The following TRIP12 variants were observed in gnomAD, a reference collection of about 807,000 sequenced individuals.
TRIP12 encodes thyroid hormone receptor interactor 12.
TRIP12 carries 25 observed loss-of-function variants against 244.2 expected under a neutral mutation model. The ratio of observed to expected loss-of-function variants is 0.10; its 90% CI spans 0.07 to 0.14. TRIP12 has a LOEUF of 0.14. Ranked by LOEUF, TRIP12 falls within the 10% of genes least tolerant of loss-of-function variation. The pLI, the probability that TRIP12 is intolerant of heterozygous loss-of-function variation, is 1.00. For synonymous variants in TRIP12, 905 were observed against 873.1 expected (o/e 1.04, Z -0.64); for missense variants, 1,677 against 2,486.4 (o/e 0.67, Z 6.92).
rs572455331 is a variant in TRIP12 at position 229,826,539 on chromosome 2, A to T, written c.1450+2654T>A. Among the ~76,000 whole-genome samples the T allele has an allele frequency of 3.3e-5, 5 of 152,334 alleles. No homozygotes were observed. In the South Asian group the frequency reaches 1.0e-3, roughly 32 times the overall value. ...TGAACTACATGATGAAATTTTATAG[A>T]TTAAAATTAGGTGTCACTTAACAAA... On this transcript the variant is annotated intron_variant, in intron 8 of 41. Coordinates refer to ENST00000675903, the MANE Select transcript of TRIP12 (RefSeq NM_001348323.3).
Position 229,778,647 on chromosome 2 carries a change from G to A in TRIP12, c.5210-60C>T, listed in dbSNP as rs2037084953. On this transcript the variant is annotated intron_variant, in intron 35 of 41. Coordinates refer to ENST00000675903, the MANE Select transcript of TRIP12 (RefSeq NM_001348323.3). The surrounding 1 kb of genome is among the most constrained non-coding windows in gnomAD (Gnocchi z 4.1). ...TGTTTCCAAAAACAAAACAAAACCTGGTAACTAAGAACATTTAAGAAATTA... is the reference window on the plus strand; with the variant it reads ...TGTTTCCAAAAACAAAACAAAACCTAGTAACTAAGAACATTTAAGAAATTA... The A allele has an allele frequency of 1.3e-6, 2 of 1,573,092 alleles. No homozygotes were observed. Among genetic ancestry groups the A allele is most frequent in the African/African-American group, 2.7e-5 (2 of 72,942 alleles).
At chr2:229,820,598 T>G in intron 8 of TRIP12, among the ~76,000 whole-genome samples, 1 of 152,276 alleles carries the variant, frequency 6.6e-6, no homozygotes, top group Non-Finnish European at 1.5e-5. Flanking sequence ...TCATTATATA[T>G]TAATATAAAT....
At chr2:229,917,840 T>C (rs2075789758) in intron 1 of TRIP12, among the ~76,000 whole-genome samples, 1 of 152,188 alleles carries the variant, frequency 6.6e-6, no homozygotes, top group Admixed American at 6.5e-5. Context: ...TACTGATGCA[T>C]GCCACCATGC....
rs369342029 is a variant in TRIP12, at chr2:229,792,981, A to G, written c.4133T>C (p.Val1378Ala). The G allele has an allele frequency of 1.9e-6, 3 of 1,611,926 alleles. No homozygotes were observed. The African/African-American group carries it at 4.0e-5, about 22-fold the overall frequency. ...AAATATATGGAAAGTACCTCTAACTACAAGGTATCTCTCGATGGCTTGTAC... is the reference window on the plus strand; with the variant it reads ...AAATATATGGAAAGTACCTCTAACTGCAAGGTATCTCTCGATGGCTTGTAC... ...ALVQAIERYL[V>A]VRGYGRVRED... The change falls in exon 27 of 42, where the codon GTA (valine) becomes GCA (alanine). Residue 1378 changes from valine to alanine, a missense_variant. By Grantham distance (64) the Val-to-Ala change is moderately conservative. This residue lies in a region of TRIP12 where 265 missense variants were observed against 370.8 expected (regional missense o/e 0.71). Coordinates refer to ENST00000675903, the MANE Select transcript of TRIP12 (RefSeq NM_001348323.3).
chr2:229,839,459 C>T (rs562909222), intron 5 of TRIP12, among the ~76,000 whole-genome samples: 3 of 152,116 alleles, frequency 2.0e-5, no homozygotes, highest in South Asian at 4.2e-4. Flanking sequence ...AGGTGGATCA[C>T]GAGGTCAGGA....
At chr2:229,922,337 A>C, upstream of TRIP12, 1 of 619,140 alleles carries the variant, frequency 1.6e-6, no homozygotes, top group Non-Finnish European at 2.8e-6. Context: ...CTGGAGCTGG[A>C]AATTTCACGG....
rs1445730101 is a variant in TRIP12 at position 229,796,637 on chromosome 2, C to T, written c.3770G>A (p.Arg1257Lys). The T allele has an allele frequency of 6.2e-7, 1 of 1,611,220 alleles. No individual in the cohort carries two copies. The highest frequency in any genetic ancestry group is 2.2e-5 in the East Asian group (1 of 44,794). Residue 1257 changes from arginine to lysine, a missense_variant, in exon 25 of 42, where the codon AGA (arginine) becomes AAA (lysine). Physicochemically the swap from Arg to Lys is conservative, Grantham distance 26 (BLOSUM62 2). Coordinates refer to ENST00000675903, the MANE Select transcript of TRIP12 (RefSeq NM_001348323.3). ...TSKSEKDAVS[R>K]EIRLKRFLHV... ...AAGAAATCGCTTTAATCTGATCTCT[C>T]TGCTCACAGCATCCTTTTCACTTTT...
intron 1 of TRIP12, among the ~76,000 whole-genome samples, chr2:229,907,496 GA>G (rs1441253894): frequency 6.6e-6 from 1 of 152,022 alleles, no homozygotes; most frequent in African/African-American, 2.4e-5. Context: ...AGATGCAAAG[GA>G]AAGGAAAATA....
intron 2 of TRIP12, among the ~76,000 whole-genome samples, chr2:229,874,798 C>G (rs1053679733): frequency 3.9e-5 from 6 of 152,020 alleles, no homozygotes; most frequent in Non-Finnish European, 2.9e-5. Flanking sequence ...CTGAAGCGTC[C>G]CAATTTTCTA....
In TRIP12 at chr2:229,791,201, C is replaced by T; in HGVS notation, c.4466G>A (p.Gly1489Asp). The change falls in exon 30 of 42, where the codon GGT becomes GAT. Residue 1489 changes from glycine to aspartate, a missense_variant. Transcript: ENST00000675903. ...DEESNKDCVG[G>D]KRGRAQTAPT... ...AGCTGTTTGGGCTCTTCCTCTTTTA[C>T]CACCAACACAATCTTTATTACTTTC... The T allele has an allele frequency of 6.2e-7, 1 of 1,614,060 alleles. No individual in the cohort carries two copies. The highest frequency in any genetic ancestry group is 1.3e-5 in the African/African-American group (1 of 75,042).
At chr2:229,787,366 G>A (rs1482910226) in intron 33 of TRIP12, 139 bp downstream of exon 33, 2 of 777,118 alleles carry the variant, frequency 2.6e-6, no homozygotes, top group Non-Finnish European at 3.9e-6. Flanking sequence ...AGTTCCAAGA[G>A]ACTGAAAGGA....
intron 20 of TRIP12, among the ~76,000 whole-genome samples, chr2:229,802,855 G>A (rs2044749163): frequency 3.3e-5 from 5 of 152,014 alleles, no homozygotes; most frequent in Admixed American, 3.3e-4. Context: ...AACTTCAAGC[G>A]CTACAAAAAG....
At chr2:229,864,047 A>AGAGAGAGAGAGAGAGAGAGAGTGT in intron 2 of TRIP12, among the ~76,000 whole-genome samples, 11 of 79,318 alleles carry the variant, frequency 1.4e-4, no homozygotes, top group South Asian at 5.1e-4. Context: ...AGAGAGAGAG[A>AGAGAGAGAGAGAGAGAGAGAGTGT]GTGTGTGTGT....
intron 1 of TRIP12, among the ~76,000 whole-genome samples, chr2:229,897,057 C>T (rs2069041773): frequency 6.6e-6 from 1 of 152,138 alleles, no homozygotes; most frequent in Admixed American, 6.5e-5. Context: ...AAAGGCTATG[C>T]ATGTTGAGGG....
At chr2:229,795,431 T>G in intron 25 of TRIP12, 101 bp from the exon 26 acceptor site, 1 of 1,349,592 alleles carries the variant, frequency 7.4e-7, no homozygotes, top group Non-Finnish European at 1.0e-6. Flanking sequence ...AGAGAATAAT[T>G]TGTCTATTCA....
intron 31 of TRIP12, 90 bp from the exon 32 acceptor site, chr2:229,789,030 A>C: frequency 8.2e-7 from 1 of 1,225,152 alleles, no homozygotes; most frequent in Non-Finnish European, 1.1e-6. Flanking sequence ...AAGTCCATGC[A>C]AAGTACCCTG....
rs766343751 is a variant in TRIP12, at chr2:229,802,313, C to T, written c.3145G>A (p.Asp1049Asn). The T allele has an allele frequency of 6.2e-7, 1 of 1,613,446 alleles. No individual in the cohort carries two copies. The highest frequency in any genetic ancestry group is 2.2e-5 in the East Asian group (1 of 44,872). ...TATAATHAAA[D>N]LGSPSLQHSR... ...TGCTGCAAGCTGGGTGATCCCAAGT[C>T]AGCTGCAGCATGAGTGGCAGCTGTG... is the stretch of plus-strand genomic sequence containing the variant. Residue 1049 changes from aspartate to asparagine, a missense_variant, in exon 21 of 42, where the codon GAC (aspartate) becomes AAC (asparagine). Asp to Asn is a conservative substitution (Grantham distance 23). Coordinates refer to ENST00000675903, the MANE Select transcript of TRIP12 (RefSeq NM_001348323.3).
chr2:229,922,243 A>C (rs996626455), upstream of TRIP12: 40 of 450,986 alleles, frequency 8.9e-5, no homozygotes, highest in African/African-American at 3.2e-4. Flanking sequence ...GGGACTGTGG[A>C]GATCTACTTG....
chr2:229,812,422 A>T lies in TRIP12; in HGVS notation c.1987-1218T>A, dbSNP rs182642560. On this transcript the variant is annotated intron_variant, in intron 13 of 41. Coordinates refer to ENST00000675903, the MANE Select transcript of TRIP12 (RefSeq NM_001348323.3). ...AAAATAAACACATAAACAGATTTTT[A>T]AAAAATGAATAGTACTACTTTGTCT... 4.2e-3 allele frequency among the ~76,000 whole-genome samples: 639 copies of T among 152,338 alleles called. 8 individuals carry two copies. Among genetic ancestry groups the T allele is most frequent in the African/African-American group, 0.015 (613 of 41,578 alleles).
Sources: allele counts gnomAD v4.1 joint callset (sites outside exome capture counted in the v4.1 genomes callset), GRCh38; gene constraint gnomAD v4.1.1; regional missense constraint gnomAD v4.1.1; non-coding constraint Gnocchi (gnomAD v3.1); transcripts MANE v1.5; gene names NCBI Gene and HGNC (gene_info 2026-07-23, HGNC 2026-07-21).